The following RNF216 variants were observed in gnomAD, a reference collection of about 807,000 sequenced individuals.
The protein encoded by RNF216 is ring finger protein 216.
In RNF216, 72 loss-of-function variants were observed where a neutral mutation model predicts 110.8. That is an observed-to-expected ratio of 0.65 (90% CI 0.54 to 0.79). The LOEUF (loss-of-function observed/expected upper bound fraction) is 0.79. RNF216 is among the 30% of genes least tolerant of loss of function. The pLI is 0.00. For missense variants in RNF216, 1,342 were observed against 1,141.2 expected (o/e 1.18, Z -2.54); for synonymous variants, 495 against 407.5 (o/e 1.21, Z -2.59).
chr7:5,779,782 T>C (rs1796978055), intron 1 of RNF216, among the ~76,000 whole-genome samples: 2 of 127,490 alleles, frequency 1.6e-5, no homozygotes, highest in African/African-American at 6.0e-5. Context: ...TGGGCAGAGA[T>C]GGCACCACTG....
At chr7:5,736,297 T>G (rs1043895444) in intron 5 of RNF216, among the ~76,000 whole-genome samples, 12 of 152,190 alleles carry the variant, frequency 7.9e-5, no homozygotes, top group African/African-American at 2.9e-4. Context: ...TTCGTATTTT[T>G]TTTTGGTGGA....
Position 5,661,090 on chromosome 7 carries a change from C to T in RNF216, c.2062-8580G>A, listed in dbSNP as rs900905541. 5.9e-5 allele frequency among the ~76,000 whole-genome samples: 9 copies of T among 151,956 alleles called. No homozygotes were observed. In the East Asian group the frequency reaches 1.4e-3, roughly 23 times the overall value. On this transcript the variant is annotated intron_variant, in intron 13 of 16. Transcript: ENST00000389902. ...AAGTAGCTGGAATTACAGGTATGCA[C>T]CACCATGCCCGGCTAATTTTTGTAT...
intron 13 of RNF216, among the ~76,000 whole-genome samples, chr7:5,666,035 G>A (rs1014114936): frequency 6.6e-5 from 10 of 151,946 alleles, no homozygotes; most frequent in Non-Finnish European, 1.0e-4. Context: ...GCGTGGTGGC[G>A]GGCGCCTGTA....
intron 5 of RNF216, among the ~76,000 whole-genome samples, chr7:5,737,663 T>A (rs954825969): frequency 1.3e-5 from 2 of 152,092 alleles, no homozygotes; most frequent in Non-Finnish European, 2.9e-5. Context: ...GTACCTACAT[T>A]GGGCTAAGCA....
At chr7:5,776,354 C>T (rs998303738) in intron 1 of RNF216, among the ~76,000 whole-genome samples, 27 of 151,128 alleles carry the variant, frequency 1.8e-4, no homozygotes, top group African/African-American at 6.3e-4. Context: ...GAGGCCAAGG[C>T]GGGCGGATCA....
At chr7:5,753,107 G>C (rs145099684) in intron 2 of RNF216, 128 bp from the exon 3 acceptor site, 1 of 842,534 alleles carries the variant, frequency 1.2e-6, no homozygotes, top group African/African-American at 1.7e-5. Context: ...ACCTCCTCAA[G>C]CAGCCCGTGC....
intron 5 of RNF216, among the ~76,000 whole-genome samples, chr7:5,731,848 A>G (rs1215731443): frequency 6.9e-6 from 1 of 145,170 alleles, no homozygotes; most frequent in Non-Finnish European, 1.5e-5. Flanking sequence ...GGGTAGAGAA[A>G]AAGTGCTCAG....
intron 2 of RNF216, among the ~76,000 whole-genome samples, chr7:5,758,381 T>C (rs894370098): frequency 6.6e-6 from 1 of 152,220 alleles, no homozygotes; most frequent in African/African-American, 2.4e-5. Context: ...AGCAATTTTA[T>C]TACTCTTGAT....
In RNF216 at chr7:5,697,713, T is replaced by G. The variant is rs554535652; in HGVS notation, c.2061+14048A>C. Among the ~76,000 whole-genome samples the G allele has an allele frequency of 3.3e-5, 5 of 152,064 alleles. No individual in the cohort carries two copies. In the South Asian group the frequency reaches 8.3e-4, roughly 25 times the overall value. On this transcript the variant is annotated intron_variant, in intron 13 of 16. Transcript: ENST00000389902. ...GAAGGGAAGAATCTTTACAAGCAAT[T>G]TGAGGTGCTTAGGATGCAAGGGTGC...
At chr7:5,763,215 C>T (rs571497798) in intron 1 of RNF216, among the ~76,000 whole-genome samples, 1 of 152,224 alleles carries the variant, frequency 6.6e-6, no homozygotes, top group Admixed American at 6.5e-5. Context: ...GGAACCTTTC[C>T]GGGTTAAGTC....
intron 5 of RNF216, among the ~76,000 whole-genome samples, chr7:5,736,814 G>A (rs1251027877): frequency 1.4e-5 from 2 of 148,098 alleles, no homozygotes; most frequent in East Asian, 2.0e-4. Context: ...CGGCCGCCCC[G>A]TCTGAGAAGT....
chr7:5,679,150 C>T (rs920108738), intron 13 of RNF216, among the ~76,000 whole-genome samples: 1 of 152,190 alleles, frequency 6.6e-6, no homozygotes, highest in East Asian at 1.9e-4. Flanking sequence ...ATTTAATCCT[C>T]CTAACAGACT....
In RNF216 at chr7:5,741,709, A is replaced by G; in HGVS notation, c.308T>C (p.Phe103Ser). 2 of 1,614,214 alleles carry G rather than the reference A, an allele frequency of 1.2e-6. No homozygotes were observed. Among genetic ancestry groups the G allele is most frequent in the Non-Finnish European group, 1.7e-6 (2 of 1,180,040 alleles). The stretch of plus-strand genomic sequence containing the variant: ...AAAATAGCTGCTCTTATCTGATTCA[A>G]ATGCTGCTCTAGACTTTTTAGGCCT... ...EERPKKSRAAFESDKSSYFSV... is the reference protein window; with the variant it reads ...EERPKKSRAASESDKSSYFSV... The change falls in exon 4 of 17, where the codon TTT becomes TCT. Residue 103 changes from phenylalanine to serine, a missense_variant. Physicochemically the swap from Phe to Ser is radical, Grantham distance 155 (BLOSUM62 -2). Coordinates refer to ENST00000389902, the MANE Select transcript of RNF216 (RefSeq NM_207111.4).
chr7:5,638,448 A>T (rs1263440751), intron 15 of RNF216, among the ~76,000 whole-genome samples: 1 of 152,134 alleles, frequency 6.6e-6, no homozygotes, highest in Non-Finnish European at 1.5e-5. Flanking sequence ...GATCAAGTAC[A>T]CGCACTACAT....
In RNF216 at chr7:5,741,324, A is replaced by T; in HGVS notation, c.693T>A (p.Asp231Glu). 1 of 1,614,074 alleles carries T rather than the reference A, an allele frequency of 6.2e-7. No homozygotes were observed. The stretch of plus-strand genomic sequence containing the variant: ...GGTTCAGAGACTGGAAGTAAGGATG[A>T]TCTAACCAGCAGTCTTCTTCGATGG... Reference protein sequence around the residue: ...DQAIEEDCWLDHPYFQSLNQQ... With the variant: ...DQAIEEDCWLEHPYFQSLNQQ... Residue 231 changes from aspartate to glutamate, a missense_variant, in exon 4 of 17, where the codon GAT (aspartate) becomes GAA (glutamate). Coordinates refer to ENST00000389902, the MANE Select transcript of RNF216 (RefSeq NM_207111.4).
At chr7:5,658,297 C>T (rs852516) in intron 13 of RNF216, among the ~76,000 whole-genome samples, 19,027 of 152,182 alleles carry the variant, frequency 0.13, 1,568 homozygotes, top group African/African-American at 0.24. Context: ...ACCAAACATT[C>T]CAACAATGAA....
chr7:5,736,563 G>A (rs1210029567), intron 5 of RNF216, among the ~76,000 whole-genome samples: 6 of 150,870 alleles, frequency 4.0e-5, no homozygotes, highest in South Asian at 2.1e-4. Flanking sequence ...AGTGAGGAGC[G>A]TCTCTGCCTG....
At chr7:5,693,903 A>T (rs1791477895) in intron 13 of RNF216, among the ~76,000 whole-genome samples, 2 of 152,190 alleles carry the variant, frequency 1.3e-5, no homozygotes, top group South Asian at 4.1e-4. Context: ...AGCCTTAAAA[A>T]TGACACAACG....
At chr7:5,718,017 C>T (rs545853187) in intron 9 of RNF216, among the ~76,000 whole-genome samples, 1 of 152,136 alleles carries the variant, frequency 6.6e-6, no homozygotes, top group African/African-American at 2.4e-5. Flanking sequence ...AATAAAAATA[C>T]GTATACTTAT....
Sources: allele counts gnomAD v4.1 joint callset (sites outside exome capture counted in the v4.1 genomes callset), GRCh38; gene constraint gnomAD v4.1.1; transcripts MANE v1.5; gene names NCBI Gene and HGNC (gene_info 2026-07-23, HGNC 2026-07-21).